NCBP1: variants seen among roughly 807,000 people sequenced by gnomAD.
NCBP1 encodes the protein nuclear cap-binding protein subunit 1.
A neutral mutation model predicts 111.7 loss-of-function variants in NCBP1; 16 were observed. The observed-to-expected ratio is 0.14, with a 90% CI of 0.10 to 0.22. The LOEUF is 0.22. Ranked by LOEUF, NCBP1 falls within the 10% of genes least tolerant of loss-of-function variation. The probability of loss-of-function intolerance (pLI) is 1.00; values close to 1 mark genes in which losing one functional copy is unlikely to be tolerated. For missense variants in NCBP1, 607 were observed against 957.5 expected (o/e 0.63, Z 4.83); for synonymous variants, 304 against 314.3 (o/e 0.97, Z 0.35).
At chr9:97,641,474 A>T (rs757804333) in intron 2 of NCBP1, 88 bp from the exon 3 acceptor site, 6 of 983,536 alleles carry the variant, frequency 6.1e-6, no homozygotes, top group Admixed American at 3.3e-5. Context: ...ATTTTAAAAT[A>T]TGTATATATT....
intron 15 of NCBP1, among the ~76,000 whole-genome samples, chr9:97,659,811 A>G (rs577345637): frequency 2.0e-5 from 3 of 152,346 alleles, no homozygotes; most frequent in Admixed American, 6.5e-5. Flanking sequence ...CCCCATAGGA[A>G]TAACTCCGCC....
chr9:97,663,652 T>G (rs544996927), intron 18 of NCBP1, among the ~76,000 whole-genome samples: 5 of 151,676 alleles, frequency 3.3e-5, no homozygotes, highest in African/African-American at 1.2e-4. Context: ...ACCTGGCTGA[T>G]TTTTGTATTT....
chr9:97,636,463 A>G (rs1587992422), intron 1 of NCBP1, among the ~76,000 whole-genome samples: 1 of 146,582 alleles, frequency 6.8e-6, no homozygotes, highest in South Asian at 2.1e-4. Context: ...ACTATAATAG[A>G]ATGTATTATA....
rs1828186072 is a variant in NCBP1 at position 97,671,269 on chromosome 9, T to C, written c.*70T>C. The C allele has an allele frequency of 8.8e-7, 1 of 1,132,730 alleles. No individual in the cohort carries two copies. 70.2% of individuals were successfully genotyped at this position (1,132,730 alleles called of 1,614,324 possible). On this transcript the variant is annotated 3_prime_UTR_variant, in exon 23 of 23. Transcript: ENST00000375147. Reference sequence around the variant, plus strand: ...ATAATTTGTCTTATTTTTTGATGGTTTGAATGCTTGCTTTCTTGTAGTATC... The same window carrying C: ...ATAATTTGTCTTATTTTTTGATGGTCTGAATGCTTGCTTTCTTGTAGTATC...
chr9:97,659,644 C>A (rs538960254), intron 15 of NCBP1, among the ~76,000 whole-genome samples: 1 of 152,290 alleles, frequency 6.6e-6, no homozygotes, highest in Admixed American at 6.5e-5. Flanking sequence ...AGTGGCCATG[C>A]TGTTAGCCAC....
intron 18 of NCBP1, 125 bp downstream of exon 18, chr9:97,663,172 ATC>A: frequency 1.4e-6 from 1 of 708,414 alleles, no homozygotes; most frequent in South Asian, 1.7e-5. Context: ...TGGTTTTTAG[ATC>A]TAATTCTTTC....
intron 19 of NCBP1, among the ~76,000 whole-genome samples, 188 bp downstream of exon 19, chr9:97,664,631 C>T (rs1827940041): frequency 6.6e-6 from 1 of 152,128 alleles, no homozygotes; most frequent in African/African-American, 2.4e-5. Context: ...CAGGTTGCAG[C>T]GTCTCTTAGC....
At chr9:97,669,547 T>G in intron 21 of NCBP1, 46 bp from the exon 22 acceptor site, 3 of 1,367,978 alleles carry the variant, frequency 2.2e-6, no homozygotes, top group Non-Finnish European at 3.1e-6. Context: ...TTCCAAAGTA[T>G]AAGATTCTGT....
intron 14 of NCBP1, among the ~76,000 whole-genome samples, chr9:97,657,156 C>T (rs189626671): frequency 7.2e-5 from 11 of 152,086 alleles, no homozygotes; most frequent in African/African-American, 2.7e-4. Context: ...TTAGTAGAGA[C>T]GGGGTTTCAC....
At chr9:97,645,480 C>T (rs1827308508) in intron 5 of NCBP1, 131 bp from the exon 6 acceptor site, 3 of 960,112 alleles carry the variant, frequency 3.1e-6, no homozygotes, top group Non-Finnish European at 4.6e-6. Flanking sequence ...TCTAGAAATG[C>T]TCTGTATAAA....
At chr9:97,659,558 A>C (rs1827772635) in intron 15 of NCBP1, among the ~76,000 whole-genome samples, 1 of 152,236 alleles carries the variant, frequency 6.6e-6, no homozygotes, top group Non-Finnish European at 1.5e-5. Flanking sequence ...TGAGGAAATG[A>C]CTTCCAAGAG....
chr9:97,666,820 G>A lies in NCBP1; in HGVS notation c.1959G>A (p.Leu653=). The A allele has an allele frequency of 3.7e-6, 6 of 1,610,546 alleles. No individual in the cohort carries two copies. The highest frequency in any genetic ancestry group is 5.1e-6 in the Non-Finnish European group (6 of 1,178,880). Residue 653 remains leucine, a synonymous_variant, in exon 20 of 23, where the codon CTG becomes CTA. Transcript: ENST00000375147. ...STIRKMNKHV[L]KIQKELEEAK... The stretch of plus-strand genomic sequence containing the variant: ...TTCGTAAGATGAACAAACATGTCCT[G>A]AAGATCCAGAAAGAGCTGGAAGAAG...
chr9:97,670,750 G>T (rs760383949), intron 22 of NCBP1, among the ~76,000 whole-genome samples: 3 of 152,184 alleles, frequency 2.0e-5, no homozygotes, highest in Admixed American at 6.5e-5. Flanking sequence ...AATGTATTAT[G>T]CCCTGACTGG....
chr9:97,636,614 A>G (rs970656430), intron 1 of NCBP1, among the ~76,000 whole-genome samples: 1 of 140,610 alleles, frequency 7.1e-6, no homozygotes, highest in Non-Finnish European at 1.5e-5. Context: ...GTATATATAG[A>G]AGCAAGCATA....
chr9:97,651,348 T>A lies in NCBP1; in HGVS notation c.1034T>A (p.Ile345Asn). 6.2e-7 allele frequency: 1 copy of A among 1,613,484 alleles called. No homozygotes were observed. Among genetic ancestry groups the A allele is most frequent in the Non-Finnish European group, 8.5e-7 (1 of 1,179,696 alleles). The change falls in exon 10 of 23, where the codon ATC becomes AAC. Residue 345 changes from isoleucine (I) to asparagine (N), a missense_variant. By Grantham distance (149) the Ile-to-Asn change is moderately radical. Coordinates refer to ENST00000375147, the MANE Select transcript of NCBP1 (RefSeq NM_002486.5). ...GTGAGCTATCCAGGGAAGAACAAGA[T>A]CCCCTTGAACTACCACATAGTTGAG... Reference protein sequence around the residue: ...QLVSYPGKNKIPLNYHIVEVI... With the variant: ...QLVSYPGKNKNPLNYHIVEVI...
chr9:97,653,654 A>G (rs2131347164), intron 10 of NCBP1, 144 bp from the exon 11 acceptor site: 1 of 577,412 alleles, frequency 1.7e-6, no homozygotes, highest in East Asian at 3.1e-5. Context: ...TGTTTGAAAG[A>G]GCATAATTTT....
rs1827375792 is a variant in NCBP1 at position 97,647,489 on chromosome 9, T to C, written c.612-3T>C. 3 of 1,610,150 alleles carry C rather than the reference T, an allele frequency of 1.9e-6. No homozygotes were observed. Among genetic ancestry groups the C allele is most frequent in the Non-Finnish European group, 2.5e-6 (3 of 1,176,894 alleles). On this transcript the variant is annotated splice_polypyrimidine_tract_variant and splice_region_variant and intron_variant, in intron 6 of 22. Transcript: ENST00000375147. ...AAATGTAGATTTTCATTTTTATCTT[T>C]AGAAGACGCCAAAAGACTCATGTAC...
chr9:97,635,087 G>A (rs139697879), intron 1 of NCBP1, among the ~76,000 whole-genome samples: 2 of 152,206 alleles, frequency 1.3e-5, no homozygotes, highest in South Asian at 4.1e-4. Flanking sequence ...ACTAACGTTT[G>A]TCTCTCCTTG....
intron 1 of NCBP1, among the ~76,000 whole-genome samples, chr9:97,634,132 G>T (rs2131324740): frequency 6.6e-6 from 1 of 152,338 alleles, no homozygotes; most frequent in Middle Eastern, 3.4e-3. Context: ...GCCGATCCTC[G>T]GGAAAGAAGG....
Sources: gnomAD v4.1 joint callset for allele counts (sites outside exome capture counted in the v4.1 genomes callset) on GRCh38, gnomAD v4.1.1 for gene constraint, MANE v1.5 for transcripts, NCBI Gene and HGNC (gene_info 2026-07-23, HGNC 2026-07-21) for gene names.